IGLL5: variants seen among roughly 807,000 people sequenced by gnomAD.
IGLL5 encodes immunoglobulin lambda-like polypeptide 5.
Under a neutral mutation model 20.9 loss-of-function variants are expected in IGLL5, and 30 were observed. The observed-to-expected ratio is 1.44, with a 90% CI of 1.07 to 1.95. The LOEUF (loss-of-function observed/expected upper bound fraction) is 1.95. IGLL5 is among the 30% of genes most tolerant of loss of function. IGLL5 has a pLI of 0.00. For synonymous variants in IGLL5, 203 were observed against 117.3 expected (o/e 1.73, Z -4.72); for missense variants, 475 against 270.7 (o/e 1.75, Z -5.30).
At chr22:22,894,018 G>C (rs2067968590) in intron 2 of IGLL5, among the ~76,000 whole-genome samples, 200 bp downstream of exon 2, 2 of 149,608 alleles carry the variant, frequency 1.3e-5, no homozygotes, top group South Asian at 2.2e-4. Flanking sequence ...GCAGCCGGAT[G>C]CAGCCTGGTC....
rs190704048 is a variant in IGLL5, at chr22:22,894,690, C to T, written c.326-685C>T. Among the ~76,000 whole-genome samples the T allele has an allele frequency of 4.0e-5, 6 of 151,332 alleles. 1 individual carries two copies. Among genetic ancestry groups the T allele is most frequent in the Admixed American group, 1.3e-4 (2 of 15,132 alleles). ...GCTGCTGGGGTGGGCCTGGGGGCTG[C>T]TGAGTCTCATAGTCTGTGGGAGCAG... On this transcript the variant is annotated intron_variant, in intron 2 of 2. Coordinates refer to ENST00000526893, the MANE Select transcript of IGLL5 (RefSeq NM_001178126.2).
chr22:22,888,766 C>T (rs2067644078), intron 1 of IGLL5, among the ~76,000 whole-genome samples: 2 of 151,384 alleles, frequency 1.3e-5, no homozygotes, highest in South Asian at 2.1e-4. Context: ...CTTACTGGGG[C>T]CAGGCTCAAG....
intron 1 of IGLL5, 26 bp downstream of exon 1, chr22:22,888,285 T>C (rs533934612): frequency 2.6e-6 from 4 of 1,542,092 alleles, no homozygotes; most frequent in East Asian, 2.5e-5. Flanking sequence ...TTCCAGGGGA[T>C]GTGGGGGTCC....
chr22:22,895,020 A>T (rs1601629943), intron 2 of IGLL5, among the ~76,000 whole-genome samples: 3 of 151,446 alleles, frequency 2.0e-5, no homozygotes, highest in Middle Eastern at 3.7e-3. Flanking sequence ...AGGGGGGTAT[A>T]GGGATGGAAA....
chr22:22,890,002 T>C (rs753172907), intron 1 of IGLL5, among the ~76,000 whole-genome samples: 4 of 151,202 alleles, frequency 2.6e-5, no homozygotes, highest in Admixed American at 6.6e-5. Context: ...CTAATTTTAA[T>C]GTGGCTTTAT....
rs199533661 is a variant in IGLL5 at position 22,895,494 on chromosome 22, G to C, written c.445G>C (p.Ala149Pro). The change falls in exon 3 of 3, where the codon GCC becomes CCC. Residue 149 changes from alanine to proline, a missense_variant. Transcript: ENST00000526893. ...CTTCTACCCGGGAGCTGTGACAGTG[G>C]CCTGGAAGGCAGATGGCAGCCCCGT... ...SDFYPGAVTVAWKADGSPVKA... is the reference protein window; with the variant it reads ...SDFYPGAVTVPWKADGSPVKA... The C allele has an allele frequency of 6.2e-7, 1 of 1,612,714 alleles. No individual in the cohort carries two copies. The highest frequency in any genetic ancestry group is 1.1e-5 in the South Asian group (1 of 91,006).
At chr22:22,888,501 A>T (rs184692427) in intron 1 of IGLL5, among the ~76,000 whole-genome samples, 2 of 151,292 alleles carry the variant, frequency 1.3e-5, no homozygotes, top group African/African-American at 4.8e-5. Flanking sequence ...CGCCACTTAA[A>T]TTTTCACCAG....
At chr22:22,888,982 T>G (rs553747580) in intron 1 of IGLL5, among the ~76,000 whole-genome samples, 3 of 151,342 alleles carry the variant, frequency 2.0e-5, no homozygotes, top group East Asian at 2.0e-4. Flanking sequence ...AGGATGAGGC[T>G]GGGAGCTCCT....
chr22:22,894,769 A>C (rs183595168), intron 2 of IGLL5, among the ~76,000 whole-genome samples: 1 of 151,130 alleles, frequency 6.6e-6, no homozygotes, highest in Non-Finnish European at 1.5e-5. Context: ...GGAGACAGGA[A>C]ACATCTCAGA....
chr22:22,889,794 G>C (rs1338135255), intron 1 of IGLL5, among the ~76,000 whole-genome samples: 1 of 151,176 alleles, frequency 6.6e-6, no homozygotes, highest in Non-Finnish European at 1.5e-5. Context: ...ACAGAGCCTC[G>C]CTATATTGCT....
chr22:22,889,073 A>G (rs761202493), intron 1 of IGLL5, among the ~76,000 whole-genome samples: 2 of 151,312 alleles, frequency 1.3e-5, no homozygotes, highest in African/African-American at 2.4e-5. Flanking sequence ...GGATGGATTT[A>G]GGTAGATTGA....
At chr22:22,893,861 T>G (rs746710164) in intron 2 of IGLL5, 43 bp downstream of exon 2, 2 of 1,328,108 alleles carry the variant, frequency 1.5e-6, no homozygotes, top group Non-Finnish European at 1.1e-6. Context: ...CACCCTCTGC[T>G]GTCCCTGGAA....
intron 1 of IGLL5, among the ~76,000 whole-genome samples, chr22:22,889,542 A>C (rs540769342): frequency 6.6e-6 from 1 of 151,298 alleles, no homozygotes; most frequent in Non-Finnish European, 1.5e-5. Flanking sequence ...AAAAAATCCA[A>C]ATATCTACCA....
At chr22:22,895,094 C>G (rs2066722924) in intron 2 of IGLL5, among the ~76,000 whole-genome samples, 1 of 151,456 alleles carries the variant, frequency 6.6e-6, no homozygotes, top group African/African-American at 2.4e-5. Flanking sequence ...GAAGAAGGAA[C>G]ACAGCCTGCC....
intron 1 of IGLL5, among the ~76,000 whole-genome samples, chr22:22,889,380 G>T (rs1022396651): frequency 6.6e-6 from 1 of 151,112 alleles, no homozygotes; most frequent in Non-Finnish European, 1.5e-5. Context: ...AACAGGCGGC[G>T]AGTCAAAAAA....
chr22:22,894,621 C>T (rs529394394), intron 2 of IGLL5, among the ~76,000 whole-genome samples: 4 of 151,008 alleles, frequency 2.6e-5, no homozygotes, highest in South Asian at 2.1e-4. Flanking sequence ...ATGAGGGGTG[C>T]AGAGAACTCC....
intron 1 of IGLL5, among the ~76,000 whole-genome samples, chr22:22,891,644 T>C (rs1406358601): frequency 2.6e-5 from 4 of 151,348 alleles, no homozygotes; most frequent in Non-Finnish European, 5.9e-5. Flanking sequence ...TCAGTGTTTT[T>C]GTTCAGAGAC....
intron 2 of IGLL5, among the ~76,000 whole-genome samples, chr22:22,894,264 G>T (rs1171230742): frequency 6.6e-6 from 1 of 151,192 alleles, no homozygotes; most frequent in Non-Finnish European, 1.5e-5. Context: ...CTGAGGACTG[G>T]ATGCCAATCC....
chr22:22,887,848 T>C lies in IGLL5; in HGVS notation c.-206T>C, dbSNP rs1023138182. On this transcript the variant is annotated 5_prime_UTR_variant, in exon 1 of 3. Transcript: ENST00000526893. ...CTTCAGGGCAGTTGGTAGATGCCCCTCTGGGAGAGATCCCCAGGGGTGACA... is the reference window on the plus strand; with the variant it reads ...CTTCAGGGCAGTTGGTAGATGCCCCCCTGGGAGAGATCCCCAGGGGTGACA... 3.3e-6 allele frequency: 2 copies of C among 614,148 alleles called. No individual in the cohort carries two copies. The highest frequency in any genetic ancestry group is 2.8e-5 in the Admixed American group (1 of 35,794). The allele number at this position is 614,148 out of a possible 1,614,324, so 38.0% of individuals were successfully genotyped here.
Sources: allele counts gnomAD v4.1 joint callset (sites outside exome capture counted in the v4.1 genomes callset), GRCh38; gene constraint gnomAD v4.1.1; transcripts MANE v1.5; gene names NCBI Gene and HGNC (gene_info 2026-07-23, HGNC 2026-07-21).